Variants in LINGO2 observed in about 807,000 individuals in gnomAD.
LINGO2 encodes the protein leucine-rich repeat and immunoglobulin-like domain-containing nogo receptor-interacting protein 2.
Under a neutral mutation model 30.6 loss-of-function variants are expected in LINGO2, and 14 were observed. That is an observed-to-expected ratio of 0.46 (90% CI 0.30 to 0.72). The LOEUF (loss-of-function observed/expected upper bound fraction) is 0.72, where lower values mean the gene tolerates loss of function less well. Among genes scored for constraint, LINGO2 ranks in the 30% least tolerant of loss-of-function variants. The pLI, the probability that LINGO2 is intolerant of heterozygous loss-of-function variation, is 0.07. For missense variants in LINGO2, 729 were observed against 751.7 expected, an observed-to-expected ratio of 0.97 and a Z score of 0.35; for synonymous variants, 317 against 288.5, an observed-to-expected ratio of 1.10 and a Z score of -1.00.
the LINGO2 span, among the ~76,000 whole-genome samples, chr9:28,702,275 C>T: frequency 6.6e-6 from 1 of 151,660 alleles, no homozygotes; most frequent in African/African-American, 2.4e-5. Flanking sequence ...TGTAGATGTT[C>T]TTTACCAAGT....
At chr9:28,512,114 C>T (rs1820410965) in intron 1 of LINGO2, among the ~76,000 whole-genome samples, 1 of 152,090 alleles carries the variant, frequency 6.6e-6, no homozygotes, top group Non-Finnish European at 1.5e-5. Flanking sequence ...CCTGCTTGAG[C>T]CCGATCACAT....
intron 4 of LINGO2, among the ~76,000 whole-genome samples, chr9:28,222,700 T>C (rs1821009419): frequency 1.3e-5 from 2 of 152,256 alleles, no homozygotes; most frequent in African/African-American, 2.4e-5. Flanking sequence ...CACAAAACAC[T>C]GAATAAAATG....
chr9:28,503,408 G>A (rs972011531), intron 1 of LINGO2, among the ~76,000 whole-genome samples: 4 of 151,948 alleles, frequency 2.6e-5, no homozygotes, highest in Admixed American at 6.6e-5. Flanking sequence ...GTGCTTCCAC[G>A]TGGAACACAT....
At chr9:29,000,659 T>C in the LINGO2 span, among the ~76,000 whole-genome samples, 5 of 151,912 alleles carry the variant, frequency 3.3e-5, no homozygotes. Flanking sequence ...AATACAAACA[T>C]AGAGCTTTTA....
At chr9:29,082,871 A>G in the LINGO2 span, among the ~76,000 whole-genome samples, 1 of 152,186 alleles carries the variant, frequency 6.6e-6, no homozygotes, top group Non-Finnish European at 1.5e-5. Flanking sequence ...TGCAAATCAA[A>G]ATTACAATGA....
chr9:28,380,554 T>C (rs923234727), intron 2 of LINGO2, among the ~76,000 whole-genome samples: 1 of 151,846 alleles, frequency 6.6e-6, no homozygotes, highest in African/African-American at 2.4e-5. Flanking sequence ...ACCAGACAAG[T>C]TGAATAAACA....
chr9:28,612,943 G>T (rs1356052753), intron 1 of LINGO2, among the ~76,000 whole-genome samples: 1 of 152,138 alleles, frequency 6.6e-6, no homozygotes, highest in African/African-American at 2.4e-5. Flanking sequence ...ACCAGGTGGA[G>T]ATAATGGAAT....
intron 5 of LINGO2, among the ~76,000 whole-genome samples, chr9:27,955,508 T>A (rs530366317): frequency 6.6e-6 from 1 of 152,188 alleles, no homozygotes; most frequent in Non-Finnish European, 1.5e-5. Context: ...TGATCTGCAT[T>A]GTCACTATAG....
intron 1 of LINGO2, among the ~76,000 whole-genome samples, chr9:28,592,202 C>A (rs1824946132): frequency 6.6e-6 from 1 of 151,800 alleles, no homozygotes; most frequent in African/African-American, 2.4e-5. Context: ...TTTCCTTTCA[C>A]AAAGAAGAAA....
In LINGO2 at chr9:28,148,769, C is replaced by T. The variant is rs1199676817; in HGVS notation, c.-86-136364G>A. 9 of 1,533,988 alleles carry T rather than the reference C, an allele frequency of 5.9e-6. No individual in the cohort carries two copies. The highest frequency in any genetic ancestry group is 2.0e-5 in the Admixed American group (1 of 50,988). Reference sequence around the variant, plus strand: ...GAAGCCTGACCCACTTCCAACAGTGCTCCCTGCCCCAGTTCCAGGCTGCTC... The same window carrying T: ...GAAGCCTGACCCACTTCCAACAGTGTTCCCTGCCCCAGTTCCAGGCTGCTC... On this transcript the variant is annotated intron_variant, in intron 4 of 5. Coordinates refer to ENST00000379992, the Ensembl canonical transcript of LINGO2. This position sits in a 1 kb window ranked among gnomAD's most constrained non-coding sequence, Gnocchi z 5.1.
intron 5 of LINGO2, among the ~76,000 whole-genome samples, chr9:27,977,822 A>T (rs4879990): frequency 0.29 from 43,413 of 151,698 alleles, 7,260 homozygotes; most frequent in East Asian, 0.45. Flanking sequence ...ACAAGAAACA[A>T]TTCATGTGAA....
chr9:28,545,344 A>G (rs1364173459), intron 1 of LINGO2, among the ~76,000 whole-genome samples: 1 of 152,098 alleles, frequency 6.6e-6, no homozygotes, highest in Admixed American at 6.6e-5. Context: ...GAGCATTGTG[A>G]ATTTCTACCT....
intron 1 of LINGO2, among the ~76,000 whole-genome samples, chr9:28,665,789 C>T (rs960716463): frequency 2.6e-5 from 4 of 151,748 alleles, no homozygotes; most frequent in Non-Finnish European, 5.9e-5. Flanking sequence ...AATCATTCCT[C>T]AGTATTATTT....
intron 2 of LINGO2, among the ~76,000 whole-genome samples, chr9:28,468,289 A>G (rs1458174305): frequency 1.3e-5 from 2 of 152,212 alleles, no homozygotes; most frequent in African/African-American, 2.4e-5. Context: ...CACTTGGACC[A>G]GAAAGAGCGA....
At chr9:28,636,679 T>C in intron 1 of LINGO2, among the ~76,000 whole-genome samples, 1 of 152,216 alleles carries the variant, frequency 6.6e-6, no homozygotes, top group African/African-American at 2.4e-5. Flanking sequence ...GTTGTTTTTT[T>C]CTTATAAATT....
intron 4 of LINGO2, among the ~76,000 whole-genome samples, chr9:28,065,633 T>G (rs914630427): frequency 6.6e-6 from 1 of 152,140 alleles, no homozygotes; most frequent in African/African-American, 2.4e-5. Context: ...ACTAAATAAG[T>G]GAAACTCCTC....
Position 28,234,551 on chromosome 9 carries a change from A to G in LINGO2, c.-87+60657T>C, listed in dbSNP as rs570619929. Among the ~76,000 whole-genome samples, 3 of 152,338 alleles carry G rather than the reference A, an allele frequency of 2.0e-5. No individual in the cohort carries two copies. In the East Asian group the frequency reaches 5.8e-4, roughly 29 times the overall value. ...GGACACCAGTTCATCAGCTACCAGC[A>G]TGGCTAGAATAAAGCAGGCAGAAGA... On this transcript the variant is annotated intron_variant, in intron 4 of 5. Transcript: ENST00000379992.
At chr9:28,431,754 A>T (rs1251241501) in intron 2 of LINGO2, among the ~76,000 whole-genome samples, 3 of 152,204 alleles carry the variant, frequency 2.0e-5, no homozygotes, top group Non-Finnish European at 4.4e-5. Context: ...AGTTTTATAT[A>T]ATAAACAGAA....
At chr9:28,650,429 T>C (rs925726678) in intron 1 of LINGO2, among the ~76,000 whole-genome samples, 1 of 152,146 alleles carries the variant, frequency 6.6e-6, no homozygotes, top group Non-Finnish European at 1.5e-5. Context: ...TCTCTTTTCA[T>C]CCTCCAGTGC....
Sources: allele counts gnomAD v4.1 joint callset (sites outside exome capture counted in the v4.1 genomes callset), GRCh38; gene constraint gnomAD v4.1.1; non-coding constraint Gnocchi (gnomAD v3.1); transcripts MANE v1.5; gene names NCBI Gene and HGNC (gene_info 2026-07-23, HGNC 2026-07-21).